HTR3A: variants seen among roughly 807,000 people sequenced by gnomAD.
HTR3A encodes 5-hydroxytryptamine receptor 3A, also known as 5-hydroxytryptamine (serotonin) receptor 3A, ionotropic.
HTR3A carries 45 observed loss-of-function variants against 54.8 expected under a neutral mutation model. That is an observed-to-expected ratio of 0.82 (90% CI 0.65 to 1.05). The LOEUF (loss-of-function observed/expected upper bound fraction) is 1.05. Ranked by LOEUF, HTR3A falls within the 50% of genes least tolerant of loss-of-function variation. The probability of loss-of-function intolerance (pLI) is 0.00; values close to 1 mark genes in which losing one functional copy is unlikely to be tolerated. For missense variants in HTR3A, 657 were observed against 614.0 expected (o/e 1.07, Z -0.74); for synonymous variants, 297 against 256.0 (o/e 1.16, Z -1.53).
intron 1 of HTR3A, 45 bp downstream of exon 1, chr11:113,975,437 T>A: frequency 6.6e-7 from 1 of 1,525,582 alleles, no homozygotes; most frequent in Non-Finnish European, 9.0e-7. Context: ...GACCATCTGC[T>A]GAGGTGGGGC....
intron 1 of HTR3A, among the ~76,000 whole-genome samples, chr11:113,976,366 A>G (rs1950351260): frequency 6.6e-6 from 1 of 151,994 alleles, no homozygotes; most frequent in Non-Finnish European, 1.5e-5. Context: ...ATCCCAGTCA[A>G]TAGGACCCAG....
Position 113,979,254 on chromosome 11 carries a change from A to G in HTR3A, c.241A>G (p.Thr81Ala), listed in dbSNP as rs753120666. Residue 81 changes from threonine (T) to alanine (A), a missense_variant, in exon 3 of 9, where the codon ACC becomes GCC. Physicochemically the swap from Thr to Ala is moderately conservative, Grantham distance 58 (BLOSUM62 0). Coordinates refer to ENST00000504030, the MANE Select transcript of HTR3A (RefSeq NM_000869.6). ...LNVDEKNQVL[T>A]TYIWYRQYWT... ...CCAGGATGAGAAGAATCAGGTGCTG[A>G]CCACCTACATCTGGTACCGGCAGGT... 2 of 1,612,902 alleles carry G rather than the reference A, an allele frequency of 1.2e-6. No homozygotes were observed. Among genetic ancestry groups the G allele is most frequent in the South Asian group, 1.1e-5 (1 of 91,064 alleles).
rs530817515 is a variant in HTR3A at position 113,977,852 on chromosome 11, G to A, written c.149G>A (p.Arg50His). The A allele has an allele frequency of 5.5e-5, 88 of 1,614,174 alleles. No individual in the cohort carries two copies. Among genetic ancestry groups the A allele is most frequent in the South Asian group, 2.0e-4 (18 of 91,078 alleles). ...YLLTNYRKGVRPVRDWRKPTT... is the reference protein window; with the variant it reads ...YLLTNYRKGVHPVRDWRKPTT... ...TTGACCAACTACAGGAAGGGTGTGC[G>A]CCCCGTGAGGGACTGGAGGAAGCCA... The change falls in exon 2 of 9, where the codon CGC becomes CAC. Residue 50 changes from arginine to histidine, a missense_variant. Physicochemically the swap from Arg to His is conservative, Grantham distance 29 (BLOSUM62 0). Coordinates refer to ENST00000504030, the MANE Select transcript of HTR3A (RefSeq NM_000869.6).
rs755125305 is a variant in HTR3A at position 113,986,885 on chromosome 11, T to C, written c.977T>C (p.Ile326Thr). 6.2e-6 allele frequency: 10 copies of C among 1,613,962 alleles called. No homozygotes were observed. Among genetic ancestry groups the C allele is most frequent in the African/African-American group, 2.7e-5 (2 of 74,908 alleles). ...ATAAGTTTGGCCGAGACCATCTTCA[T>C]TGTGCGGCTGGTGCACAAGCAAGAC... ...LVISLAETIF[I>T]VRLVHKQDLQ... The change falls in exon 8 of 9, where the codon ATT becomes ACT. Residue 326 changes from isoleucine to threonine, a missense_variant. Coordinates refer to ENST00000504030, the MANE Select transcript of HTR3A (RefSeq NM_000869.6).
At position 113,987,434 on chromosome 11, in the gene HTR3A, T is replaced by A. The variant is rs1374721644; in HGVS notation, c.1138+388T>A. 3.3e-5 allele frequency among the ~76,000 whole-genome samples: 5 copies of A among 152,132 alleles called. No individual in the cohort carries two copies. In the East Asian group the frequency reaches 9.6e-4, roughly 29 times the overall value. On this transcript the variant is annotated intron_variant, in intron 8 of 8. Coordinates refer to ENST00000504030, the MANE Select transcript of HTR3A (RefSeq NM_000869.6). ...CTGCCACTGGGGTTTCTAAAACTCTTATACTAAACAGCCCAAAGCAGGGCA... is the reference window on the plus strand; with the variant it reads ...CTGCCACTGGGGTTTCTAAAACTCTAATACTAAACAGCCCAAAGCAGGGCA...
intron 1 of HTR3A, chr11:113,977,376 A>AACCCTCTTGCTTT (rs1390765847): frequency 1.6e-6 from 1 of 613,154 alleles, no homozygotes; most frequent in African/African-American, 1.8e-5. Flanking sequence ...GCTTTCTTGC[A>AACCCTCTTGCTTT]ACCCTCTTGC....
intron 5 of HTR3A, among the ~76,000 whole-genome samples, chr11:113,984,613 C>T (rs1950466353): frequency 1.3e-5 from 2 of 152,118 alleles, no homozygotes; most frequent in Admixed American, 6.5e-5. Flanking sequence ...TGCACACCAC[C>T]CTGTTGCAAG....
intron 8 of HTR3A, 82 bp downstream of exon 8, chr11:113,987,128 T>C: frequency 2.1e-6 from 3 of 1,455,030 alleles, no homozygotes; most frequent in Non-Finnish European, 2.8e-6. Context: ...GGGCGTGGCC[T>C]GCCAAGGAGG....
intron 3 of HTR3A, among the ~76,000 whole-genome samples, chr11:113,980,527 T>A (rs913431634): frequency 6.6e-6 from 1 of 152,088 alleles, no homozygotes; most frequent in Non-Finnish European, 1.5e-5. Context: ...CTGAGGAAAA[T>A]GTACCTTGGT....
intron 5 of HTR3A, among the ~76,000 whole-genome samples, chr11:113,984,796 T>A (rs1195344137): frequency 6.6e-6 from 1 of 152,114 alleles, no homozygotes; most frequent in East Asian, 1.9e-4. Context: ...CAGGCGCCTG[T>A]AATCCCAACT....
intron 4 of HTR3A, 92 bp downstream of exon 4, chr11:113,981,404 G>A (rs1950420798): frequency 1.0e-5 from 8 of 797,774 alleles, no homozygotes; most frequent in Middle Eastern, 2.2e-4. Flanking sequence ...TGTTGCATTT[G>A]AGATGTCCCA....
intron 8 of HTR3A, among the ~76,000 whole-genome samples, chr11:113,988,776 C>CAACAAACA (rs57518247): frequency 6.6e-5 from 10 of 151,972 alleles, no homozygotes; most frequent in African/African-American, 2.4e-4. Context: ...AACAAACAAA[C>CAACAAACA]AACAAACAAA....
intron 4 of HTR3A, 109 bp from the exon 5 acceptor site, chr11:113,983,011 C>T (rs996780666): frequency 1.6e-6 from 2 of 1,282,596 alleles, no homozygotes; most frequent in Admixed American, 1.7e-5. Flanking sequence ...ATCCGGCTGC[C>T]TATACCCTCC....
intron 5 of HTR3A, among the ~76,000 whole-genome samples, chr11:113,985,043 C>T (rs1402385972): frequency 2.0e-5 from 3 of 152,210 alleles, no homozygotes; most frequent in African/African-American, 4.8e-5. Flanking sequence ...ATAAGGCTAA[C>T]GTCTGCTTTG....
intron 3 of HTR3A, among the ~76,000 whole-genome samples, chr11:113,980,385 C>T (rs778504310): frequency 6.6e-6 from 1 of 152,224 alleles, no homozygotes; most frequent in East Asian, 1.9e-4. Context: ...GACAGCCACT[C>T]CAACGTGGCA....
chr11:113,988,763 C>CCAAA (rs557606621), intron 8 of HTR3A, among the ~76,000 whole-genome samples: 4 of 151,436 alleles, frequency 2.6e-5, no homozygotes, highest in African/African-American at 4.8e-5. Context: ...GACTTGGTCT[C>CCAAA]CAAACAAACA....
At position 113,979,256 on chromosome 11, in the gene HTR3A, C is replaced by A. The variant is rs1202832531; in HGVS notation, c.243C>A (p.Thr81=). Residue 81 remains threonine (T), a synonymous_variant, in exon 3 of 9, where the codon ACC becomes ACA. Transcript: ENST00000504030. ...AGGATGAGAAGAATCAGGTGCTGACCACCTACATCTGGTACCGGCAGGTGA... is the reference window on the plus strand; with the variant it reads ...AGGATGAGAAGAATCAGGTGCTGACAACCTACATCTGGTACCGGCAGGTGA... ...LNVDEKNQVL[T]TYIWYRQYWT... 1 of 1,612,986 alleles carries A rather than the reference C, an allele frequency of 6.2e-7. No individual in the cohort carries two copies. The highest frequency in any genetic ancestry group is 1.1e-5 in the South Asian group (1 of 91,064).
At chr11:113,981,356 G>C (rs1210307678) in intron 4 of HTR3A, 44 bp downstream of exon 4, 10 of 1,199,488 alleles carry the variant, frequency 8.3e-6, no homozygotes, top group Non-Finnish European at 1.2e-5. Flanking sequence ...TGGCTTAGGA[G>C]CTGGAGAAGC....
chr11:113,977,562 G>T (rs1450178915), intron 1 of HTR3A: 9 of 1,546,716 alleles, frequency 5.8e-6, no homozygotes, highest in Non-Finnish European at 7.9e-6. Context: ...TGAATGCATA[G>T]GTCCTTTCTA....
Sources: gnomAD v4.1 joint callset for allele counts (sites outside exome capture counted in the v4.1 genomes callset) on GRCh38, gnomAD v4.1.1 for gene constraint, MANE v1.5 for transcripts, NCBI Gene and HGNC (gene_info 2026-07-23, HGNC 2026-07-21) for gene names.